Variants in NMS observed in about 807,000 individuals in gnomAD.
NMS encodes the protein neuromedin-S.
Under a neutral mutation model 32.2 loss-of-function variants are expected in NMS, and 30 were observed. The observed-to-expected ratio is 0.93, with a 90% CI of 0.70 to 1.26. The LOEUF is 1.26. Ranked by LOEUF, NMS falls within the 50% of genes most tolerant of loss-of-function variation. The pLI is 0.00. For synonymous variants in NMS, 76 were observed against 58.5 expected, an observed-to-expected ratio of 1.30 and a Z score of -1.37; for missense variants, 190 against 186.3, an observed-to-expected ratio of 1.02 and a Z score of -0.12.
At chr2:100,471,391 G>A (rs1677004258) in intron 1 of NMS, among the ~76,000 whole-genome samples, 2 of 152,112 alleles carry the variant, frequency 1.3e-5, no homozygotes, top group Middle Eastern at 3.4e-3. Context: ...CACAAAACTG[G>A]GCCTTGCAAA....
chr2:100,475,017 G>C (rs1677080989), intron 3 of NMS, among the ~76,000 whole-genome samples: 1 of 152,192 alleles, frequency 6.6e-6, no homozygotes, highest in South Asian at 2.1e-4. Flanking sequence ...AGTGGAAGTA[G>C]TGTGGCTGTC....
At chr2:100,474,335 CT>C (rs112063138) in intron 3 of NMS, among the ~76,000 whole-genome samples, 5,716 of 152,212 alleles carry the variant, frequency 0.038, 345 homozygotes, top group African/African-American at 0.13. Flanking sequence ...TATCCCTCAC[CT>C]CCCCCAACCC....
intron 1 of NMS, among the ~76,000 whole-genome samples, chr2:100,471,676 A>G (rs969703546): frequency 1.3e-5 from 2 of 152,192 alleles, no homozygotes; most frequent in African/African-American, 4.8e-5. Flanking sequence ...TTTTATTAGC[A>G]AAGAACCTCT....
chr2:100,472,505 G>T (rs1677022790), intron 1 of NMS, among the ~76,000 whole-genome samples: 1 of 152,102 alleles, frequency 6.6e-6, no homozygotes, highest in Non-Finnish European at 1.5e-5. Context: ...CCTCCTCTTT[G>T]CTGACTTGCT....
chr2:100,477,202 T>G (rs771215561), intron 3 of NMS, 42 bp from the exon 4 acceptor site: 4 of 1,581,296 alleles, frequency 2.5e-6, no homozygotes, highest in Non-Finnish European at 3.5e-6. Context: ...TACCTGCCCC[T>G]GTAAAATTTC....
At chr2:100,475,726 G>T (rs755985081) in intron 3 of NMS, among the ~76,000 whole-genome samples, 3 of 152,128 alleles carry the variant, frequency 2.0e-5, no homozygotes, top group Non-Finnish European at 4.4e-5. Context: ...TAGGCCGGGT[G>T]TGGTGGCTCA....
At chr2:100,476,060 G>A (rs772372791) in intron 3 of NMS, among the ~76,000 whole-genome samples, 1 of 151,416 alleles carries the variant, frequency 6.6e-6, no homozygotes, top group Non-Finnish European at 1.5e-5. Flanking sequence ...ATGAAACGTT[G>A]AGCCGGGTAT....
At chr2:100,473,815 A>G (rs1000938728) in intron 3 of NMS, among the ~76,000 whole-genome samples, 2 of 152,138 alleles carry the variant, frequency 1.3e-5, no homozygotes, top group Non-Finnish European at 2.9e-5. Context: ...GTTATGATAT[A>G]TTGCATATTA....
chr2:100,472,771 T>C (rs769041085), intron 1 of NMS, 24 bp from the exon 2 acceptor site: 5 of 1,523,054 alleles, frequency 3.3e-6, no homozygotes, highest in Middle Eastern at 1.7e-4. Flanking sequence ...CTCTAATTAA[T>C]AATTTTATGA....
intron 3 of NMS, among the ~76,000 whole-genome samples, chr2:100,476,429 C>G (rs1051985176): frequency 6.6e-6 from 1 of 152,146 alleles, no homozygotes; most frequent in Non-Finnish European, 1.5e-5. Flanking sequence ...GTATTGCTCT[C>G]TTCCACTGAA....
chr2:100,480,956 T>A (rs1310552189), intron 7 of NMS, among the ~76,000 whole-genome samples, 170 bp from the exon 8 acceptor site: 4 of 152,158 alleles, frequency 2.6e-5, no homozygotes, highest in African/African-American at 9.7e-5. Flanking sequence ...CCCCCAAAGA[T>A]TCAGTGGGTC....
intron 1 of NMS, among the ~76,000 whole-genome samples, chr2:100,471,577 T>C (rs964708601): frequency 6.6e-6 from 1 of 152,204 alleles, no homozygotes; most frequent in African/African-American, 2.4e-5. Context: ...AAATATGTTA[T>C]TACCTTTTAT....
chr2:100,473,152 A>G (rs1677038562), intron 2 of NMS, among the ~76,000 whole-genome samples: 1 of 152,266 alleles, frequency 6.6e-6, no homozygotes, highest in Non-Finnish European at 1.5e-5. Context: ...TCTAAATTTT[A>G]AATGCATAAT....
At chr2:100,476,499 T>C (rs1262763547) in intron 3 of NMS, among the ~76,000 whole-genome samples, 2 of 152,222 alleles carry the variant, frequency 1.3e-5, no homozygotes, top group African/African-American at 4.8e-5. Context: ...TATTAAAGTA[T>C]TATTAACAAC....
chr2:100,472,370 T>C (rs1573233369), intron 1 of NMS, among the ~76,000 whole-genome samples: 1 of 152,184 alleles, frequency 6.6e-6, no homozygotes, highest in East Asian at 1.9e-4. Flanking sequence ...GAGAGACGGG[T>C]ATCCATGTGT....
Position 100,473,484 on chromosome 2 carries a change from T to A in NMS, c.133-5T>A. 6.7e-7 allele frequency: 1 copy of A among 1,486,626 alleles called. No individual in the cohort carries two copies. Among genetic ancestry groups the A allele is most frequent in the East Asian group, 2.4e-5 (1 of 41,130 alleles). The allele number at this position is 1,486,626 out of a possible 1,614,324, so 92.1% of individuals were successfully genotyped here. On this transcript the variant is annotated splice_polypyrimidine_tract_variant and splice_region_variant and intron_variant, in intron 2 of 9. Coordinates refer to ENST00000376865, the MANE Select transcript of NMS (RefSeq NM_001011717.1). ...TTGATTTGTTTTCTTCATTTTATTT[T>A]TTAGCAGCTGGCATATTGTCTGAGT...
intron 5 of NMS, 55 bp downstream of exon 5, chr2:100,477,469 G>A (rs1270324709): frequency 7.6e-6 from 10 of 1,317,242 alleles, no homozygotes; most frequent in South Asian, 3.6e-5. Flanking sequence ...TCTGCATGTC[G>A]TCCATCCTTT....
At chr2:100,479,956 C>A (rs1433390782) in intron 6 of NMS, among the ~76,000 whole-genome samples, 2 of 152,194 alleles carry the variant, frequency 1.3e-5, no homozygotes, top group South Asian at 4.1e-4. Flanking sequence ...ATTTTGAACA[C>A]CCTGCCCAGG....
chr2:100,472,404 G>C (rs1444349419), intron 1 of NMS, among the ~76,000 whole-genome samples: 3 of 152,192 alleles, frequency 2.0e-5, no homozygotes, highest in Non-Finnish European at 4.4e-5. Flanking sequence ...AGGTGATTCT[G>C]ATGTCCATCC....
Sources: allele counts gnomAD v4.1 joint callset (sites outside exome capture counted in the v4.1 genomes callset), GRCh38; gene constraint gnomAD v4.1.1; transcripts MANE v1.5; gene names NCBI Gene and HGNC (gene_info 2026-07-23, HGNC 2026-07-21).